The following CAST variants were observed in gnomAD, a reference collection of about 807,000 sequenced individuals.
CAST encodes the protein calpastatin.
CAST carries 76 observed loss-of-function variants against 119.6 expected under a neutral mutation model. That is an observed-to-expected ratio of 0.64 (90% confidence interval 0.53 to 0.77). The LOEUF is 0.77. Among genes scored for constraint, CAST ranks in the 30% least tolerant of loss-of-function variants. CAST has a pLI of 0.00. For missense variants in CAST, 953 were observed against 946.5 expected (o/e 1.01, Z -0.09); for synonymous variants, 319 against 331.6 (o/e 0.96, Z 0.41).
the CAST span, chr5:96,210,101 C>G: frequency 6.6e-6 from 1 of 151,640 alleles, no homozygotes; most frequent in Admixed American, 6.6e-5. Context: ...GAGAGTCATT[C>G]CTCAGCTGGG....
At chr5:96,069,618 C>T in the CAST span, among the ~76,000 whole-genome samples, 2 of 151,196 alleles carry the variant, frequency 1.3e-5, no homozygotes, top group East Asian at 3.9e-4. Flanking sequence ...GAATAACTAG[C>T]CCTACAGGTG....
the CAST span, among the ~76,000 whole-genome samples, chr5:96,254,025 T>C: frequency 8.3e-6 from 1 of 120,316 alleles, no homozygotes; most frequent in Non-Finnish European, 1.7e-5. Flanking sequence ...GGGATTGGGG[T>C]GGGATGGGGT....
the CAST span, among the ~76,000 whole-genome samples, chr5:96,417,161 A>G: frequency 0.025 from 3,747 of 152,282 alleles, 152 homozygotes; most frequent in African/African-American, 0.086. Context: ...AATTCAGCAT[A>G]GCATGGAATA....
chr5:96,571,086 G>T (rs1052694122), intron 1 of CAST, among the ~76,000 whole-genome samples: 1 of 151,952 alleles, frequency 6.6e-6, no homozygotes, highest in Non-Finnish European at 1.5e-5. Context: ...CTTGACCTCT[G>T]ACATTGAATG....
At chr5:96,374,664 G>C in the CAST span, among the ~76,000 whole-genome samples, 44,990 of 152,044 alleles carry the variant, frequency 0.3, 6,736 homozygotes, top group African/African-American at 0.33. Flanking sequence ...ATCAAAGCAT[G>C]CTGCAAAAAC....
At chr5:96,495,710 T>C in the CAST span, among the ~76,000 whole-genome samples, 1 of 152,210 alleles carries the variant, frequency 6.6e-6, no homozygotes, top group Non-Finnish European at 1.5e-5. Context: ...CTATTGTAAA[T>C]AGTGCTGTAA....
the CAST span, among the ~76,000 whole-genome samples, chr5:96,325,784 A>C: frequency 6.6e-6 from 1 of 152,118 alleles, no homozygotes; most frequent in Non-Finnish European, 1.5e-5. Context: ...CCAGCCTCCG[A>C]TCTCTTAGAA....
chr5:96,085,816 T>C, the CAST span, among the ~76,000 whole-genome samples: 1 of 152,218 alleles, frequency 6.6e-6, no homozygotes, highest in Non-Finnish European at 1.5e-5. Context: ...ACCGACTTTT[T>C]AGTGTAGTGG....
intron 1 of CAST, among the ~76,000 whole-genome samples, chr5:96,534,749 G>GAGAGAGAA (rs1395618048): frequency 2.1e-5 from 1 of 47,386 alleles, no homozygotes; most frequent in African/African-American, 9.0e-5. Context: ...GAGAAAGAAA[G>GAGAGAGAA]AAAGAAAGAA....
chr5:96,275,437 A>G, the CAST span, among the ~76,000 whole-genome samples: 1 of 152,232 alleles, frequency 6.6e-6, no homozygotes, highest in South Asian at 2.1e-4. Flanking sequence ...AAATTGAAAA[A>G]TGTGACAGAG....
At chr5:96,393,181 G>T in the CAST span, 1 of 1,614,176 alleles carries the variant, frequency 6.2e-7, no homozygotes, top group Non-Finnish European at 8.5e-7. Context: ...CATAAGGGAT[G>T]TTGAGCTTTG....
chr5:96,713,058 T>C (rs1161793403), intron 3 of CAST, among the ~76,000 whole-genome samples: 1 of 152,136 alleles, frequency 6.6e-6, no homozygotes, highest in East Asian at 1.9e-4. Flanking sequence ...CTGTTCAGTT[T>C]ACACCTAAGG....
chr5:96,506,167 T>G, the CAST span, among the ~76,000 whole-genome samples: 1 of 152,232 alleles, frequency 6.6e-6, no homozygotes, highest in South Asian at 2.1e-4. Flanking sequence ...GGAATATTTG[T>G]ATAGATCCCA....
At chr5:95,968,047 A>C in the CAST span, among the ~76,000 whole-genome samples, 16 of 152,176 alleles carry the variant, frequency 1.1e-4, no homozygotes, top group Non-Finnish European at 1.9e-4. Context: ...AATCTCGCAT[A>C]TCTACCTTTG....
intron 24 of CAST, among the ~76,000 whole-genome samples, chr5:96,758,542 G>A (rs1451352665): frequency 2.0e-5 from 3 of 152,210 alleles, no homozygotes; most frequent in African/African-American, 7.2e-5. Context: ...CAGTCAGTTG[G>A]AAAGGGATTA....
chr5:96,513,524 C>T, the CAST span, among the ~76,000 whole-genome samples: 1 of 152,098 alleles, frequency 6.6e-6, no homozygotes, highest in Non-Finnish European at 1.5e-5. Context: ...GTGCATTAAG[C>T]AAGACTGTGG....
the CAST span, among the ~76,000 whole-genome samples, chr5:96,518,167 G>A: frequency 5.3e-5 from 8 of 152,196 alleles, no homozygotes; most frequent in African/African-American, 1.4e-4. Context: ...AAAAAACATA[G>A]TAGTGAAGAC....
At chr5:96,701,108 A>G (rs752584654) in intron 3 of CAST, among the ~76,000 whole-genome samples, 30 of 152,032 alleles carry the variant, frequency 2.0e-4, no homozygotes, top group Non-Finnish European at 3.4e-4. Context: ...TTGTATTTTT[A>G]GTAGAGACAG....
At chr5:96,309,725 T>A in the CAST span, among the ~76,000 whole-genome samples, 1 of 152,218 alleles carries the variant, frequency 6.6e-6, no homozygotes, top group East Asian at 1.9e-4. Context: ...TGACCCCTTG[T>A]GCTTCTAGGG....
Sources: allele counts gnomAD v4.1 joint callset (sites outside exome capture counted in the v4.1 genomes callset), GRCh38; gene constraint gnomAD v4.1.1; transcripts MANE v1.5; gene names NCBI Gene and HGNC (gene_info 2026-07-23, HGNC 2026-07-21).